Variants in AP4M1 observed in about 807,000 individuals in gnomAD.
AP4M1 encodes adaptor related protein complex 4 subunit mu 1.
AP4M1 carries 58 observed loss-of-function variants against 62.4 expected under a neutral mutation model. The observed-to-expected ratio is 0.93, with a 90% CI of 0.75 to 1.16. The LOEUF (loss-of-function observed/expected upper bound fraction) is 1.16, where lower values mean the gene tolerates loss of function less well. Ranked by LOEUF, AP4M1 falls within the 50% of genes most tolerant of loss-of-function variation. The probability of loss-of-function intolerance (pLI) is 0.00; values close to 1 mark genes in which losing one functional copy is unlikely to be tolerated. For synonymous variants in AP4M1, 290 were observed against 239.7 expected (o/e 1.21, Z -1.94); for missense variants, 626 against 585.4 (o/e 1.07, Z -0.72).
Position 100,105,978 on chromosome 7 carries a change from T to C in AP4M1, c.949T>C (p.Leu317=), listed in dbSNP as rs1584519132. The C allele has an allele frequency of 3.1e-6, 5 of 1,614,102 alleles. No homozygotes were observed. The highest frequency in any genetic ancestry group is 3.4e-6 in the Non-Finnish European group (4 of 1,180,024). ...ATCCAGGCTCCAGGTTTATCTAAAGTTGCGATGTGACCTGCTCTCAAAGAG... is the reference window on the plus strand; with the variant it reads ...ATCCAGGCTCCAGGTTTATCTAAAGCTGCGATGTGACCTGCTCTCAAAGAG... The part of the protein sequence containing the change: ...GSGRLQVYLK[L]RCDLLSKSQA... The change falls in exon 12 of 15, where the codon TTG becomes CTG. Residue 317 remains leucine, a synonymous_variant. Coordinates refer to ENST00000359593, the MANE Select transcript of AP4M1 (RefSeq NM_004722.4).
intron 2 of AP4M1, 185 bp from the exon 3 acceptor site, chr7:100,102,490 G>T: frequency 1.5e-6 from 1 of 654,514 alleles, no homozygotes; most frequent in South Asian, 1.7e-5. Context: ...GCAACTCGGG[G>T]TAGTTAGTGT....
chr7:100,108,473 T>A lies in AP4M1; in HGVS notation c.*1591T>A. 1 of 1,613,976 alleles carries A rather than the reference T, an allele frequency of 6.2e-7. No homozygotes were observed. Reference sequence around the variant, plus strand: ...GAGGAGGGGCCCAAGGGACCCGAATTCTGCCCGATAGGCGTCCTGATTGTC... The same window carrying A: ...GAGGAGGGGCCCAAGGGACCCGAATACTGCCCGATAGGCGTCCTGATTGTC... On this transcript the variant is annotated 3_prime_UTR_variant, in exon 15 of 15. Transcript: ENST00000359593.
At chr7:100,105,202 A>G (rs772766548) in intron 9 of AP4M1, 38 bp from the exon 10 acceptor site, 1 of 1,612,162 alleles carries the variant, frequency 6.2e-7, no homozygotes, top group Non-Finnish European at 8.5e-7. Context: ...CTCCCAAAAC[A>G]GGAGTCAGGA....
Position 100,104,806 on chromosome 7 carries a change from G to C in AP4M1, c.607-68G>C, listed in dbSNP as rs536448879. ...AGATCACGCCACTGCCAGCCTGGGC[G>C]ACAGAGCGAGACCGTCTCAAAAAAA... On this transcript the variant is annotated intron_variant, in intron 7 of 14. Transcript: ENST00000359593. The C allele has an allele frequency of 6.1e-5, 96 of 1,582,388 alleles. 2 individuals are homozygous for C. In the South Asian group the frequency reaches 9.2e-4, roughly 15 times the overall value.
chr7:100,105,270 T>C lies in AP4M1; in HGVS notation c.758T>C (p.Val253Ala). ...GYGPGIRVDEVSFHSSVNLDE... is the reference protein window; with the variant it reads ...GYGPGIRVDEASFHSSVNLDE... ...GGGCCAGGAATCCGGGTCGATGAAG[T>C]CTCGTTTCACAGCTCTGTGAATCTG... The change falls in exon 10 of 15, where the codon GTC becomes GCC. Residue 253 changes from valine (V) to alanine (A), a missense_variant. Val to Ala is a moderately conservative substitution (Grantham distance 64). Transcript: ENST00000359593. The C allele has an allele frequency of 6.2e-7, 1 of 1,614,106 alleles. No individual in the cohort carries two copies. The highest frequency in any genetic ancestry group is 8.5e-7 in the Non-Finnish European group (1 of 1,180,028).
rs371334205 is a variant in AP4M1 at position 100,107,640 on chromosome 7, G to T, written c.*758G>T. ...GGACAGGACCTGGATAGAAAGGAAA[G>T]GCAGGCCGCTTGCCCTGTGCCCTCC... is the stretch of plus-strand genomic sequence containing the variant. On this transcript the variant is annotated 3_prime_UTR_variant, in exon 15 of 15. Coordinates refer to ENST00000359593, the MANE Select transcript of AP4M1 (RefSeq NM_004722.4). 14 of 1,608,494 alleles carry T rather than the reference G, an allele frequency of 8.7e-6. No individual in the cohort carries two copies. Among genetic ancestry groups the T allele is most frequent in the Non-Finnish European group, 1.2e-5 (14 of 1,178,234 alleles).
chr7:100,101,347 G>C, upstream of AP4M1: 1 of 1,610,372 alleles, frequency 6.2e-7, no homozygotes, highest in Non-Finnish European at 8.5e-7. Flanking sequence ...TCTTGCTCCT[G>C]GGGAAGCTGA....
chr7:100,101,834 C>T, intron 1 of AP4M1, 46 bp from the exon 2 acceptor site: 1 of 1,611,888 alleles, frequency 6.2e-7, no homozygotes, highest in Non-Finnish European at 8.5e-7. Flanking sequence ...GCGCCCAGGG[C>T]CAGCCTGTGT....
rs149322875 is a variant in AP4M1 at position 100,106,929 on chromosome 7, C to T, written c.*47C>T. On this transcript the variant is annotated 3_prime_UTR_variant, in exon 15 of 15. Transcript: ENST00000359593. ...ACGGCCAAGGTGGCAGTTTGTCCCA[C>T]GGGAGGACAGTCGTTTCTTTTCCAG... is the stretch of plus-strand genomic sequence containing the variant. The T allele has an allele frequency of 4.1e-5, 65 of 1,576,266 alleles. No individual in the cohort carries two copies. The highest frequency in any genetic ancestry group is 8.8e-5 in the Admixed American group (5 of 56,952).
In AP4M1 at chr7:100,107,386, C is replaced by A; in HGVS notation, c.*504C>A. The A allele has an allele frequency of 6.3e-7, 1 of 1,594,820 alleles. No homozygotes were observed. On this transcript the variant is annotated 3_prime_UTR_variant, in exon 15 of 15. Transcript: ENST00000359593. ...CCGCTGAGTGGGGACGGGGACGATGCCGGGGGAGGAACTGGAGAAGGATGG... is the reference window on the plus strand; with the variant it reads ...CCGCTGAGTGGGGACGGGGACGATGACGGGGGAGGAACTGGAGAAGGATGG...
intron 4 of AP4M1, chr7:100,103,178 C>T (rs2116633291): frequency 1.5e-6 from 1 of 652,910 alleles, no homozygotes; most frequent in Non-Finnish European, 2.7e-6. Flanking sequence ...CTCAAGCCGT[C>T]CTCCTGCCCC....
rs368830741 is a variant in AP4M1, at chr7:100,105,258, G to T, written c.746G>T (p.Arg249Leu). The change falls in exon 10 of 15, where the codon CGG becomes CTG. Residue 249 changes from arginine (R) to leucine (L), a missense_variant. Transcript: ENST00000359593. Reference protein sequence around the residue: ...SELRGYGPGIRVDEVSFHSSV... With the variant: ...SELRGYGPGILVDEVSFHSSV... ...TTTCCAGGTTATGGGCCAGGAATCC[G>T]GGTCGATGAAGTCTCGTTTCACAGC... 6.8e-6 allele frequency: 11 copies of T among 1,613,968 alleles called. No homozygotes were observed. Among genetic ancestry groups the T allele is most frequent in the Admixed American group, 1.7e-5 (1 of 59,990 alleles).
chr7:100,104,339 C>T (rs1251558499), intron 7 of AP4M1, among the ~76,000 whole-genome samples, 185 bp downstream of exon 7: 1 of 149,534 alleles, frequency 6.7e-6, no homozygotes, highest in East Asian at 2.0e-4. Context: ...GCAACATAGC[C>T]AGACCCCGTC....
intron 7 of AP4M1, 114 bp from the exon 8 acceptor site, chr7:100,104,760 G>T: frequency 9.0e-7 from 1 of 1,116,814 alleles, no homozygotes; most frequent in Admixed American, 1.7e-5. Flanking sequence ...GAACCTGGGA[G>T]GTGGAGGTTG....
rs769141342 is a variant in AP4M1 at position 100,106,846 on chromosome 7, C to T, written c.1326C>T (p.His442=). The change falls in exon 15 of 15, where the codon CAC becomes CAT. Residue 442 remains histidine (H), a synonymous_variant. Transcript: ENST00000359593. ...GNANPHKWVR[H]LSHSDAYVIR... ...CCAACCCCCACAAGTGGGTGCGACA[C>T]CTAAGCCACAGCGACGCCTATGTCA... 19 of 1,613,786 alleles carry T rather than the reference C, an allele frequency of 1.2e-5. No individual in the cohort carries two copies. The highest frequency in any genetic ancestry group is 1.4e-5 in the Non-Finnish European group (17 of 1,180,062).
At chr7:100,105,680 C>A in intron 11 of AP4M1, 141 bp downstream of exon 11, 1 of 926,250 alleles carries the variant, frequency 1.1e-6, no homozygotes, top group Non-Finnish European at 1.7e-6. Flanking sequence ...CGGCCGGTGG[C>A]TCACACCTGT....
At position 100,101,696 on chromosome 7, in the gene AP4M1, T is replaced by A. The variant is rs1796046261; in HGVS notation, c.-19T>A. ...AGGCCCGACTTTCGCCGTCTTCTTG[T>A]CTACTCTCCAGAACGGCCATGATTT... On this transcript the variant is annotated 5_prime_UTR_variant, in exon 1 of 15. Transcript: ENST00000359593. 2 of 1,611,702 alleles carry A rather than the reference T, an allele frequency of 1.2e-6. No individual in the cohort carries two copies.
chr7:100,105,429 C>T lies in AP4M1; in HGVS notation c.835-16C>T. 1 of 1,613,192 alleles carries T rather than the reference C, an allele frequency of 6.2e-7. No homozygotes were observed. The highest frequency in any genetic ancestry group is 8.5e-7 in the Non-Finnish European group (1 of 1,179,174). The stretch of plus-strand genomic sequence containing the variant: ...TCGTGAGACCAAACTAACCTTGTTG[C>T]TCTCTGGTCTCTCAGCTGACTGTGA... On this transcript the variant is annotated splice_polypyrimidine_tract_variant and intron_variant, in intron 10 of 14. Transcript: ENST00000359593.
In AP4M1 at chr7:100,105,326, T is replaced by C. The variant is rs1373550147; in HGVS notation, c.814T>C (p.Leu272=). ...DEFESHRILR[L]QPPQGELTVM... ...ATTTGAGTCTCATCGAATCCTCCGC[T>C]TGCAACCACCTCAGGGCGAGGTCAG... The change falls in exon 10 of 15, where the codon TTG becomes CTG. Residue 272 remains leucine (L), a synonymous_variant. Coordinates refer to ENST00000359593, the MANE Select transcript of AP4M1 (RefSeq NM_004722.4). The C allele has an allele frequency of 1.2e-6, 2 of 1,613,984 alleles. No individual in the cohort carries two copies. The highest frequency in any genetic ancestry group is 1.1e-5 in the South Asian group (1 of 91,088).
Sources: gnomAD v4.1 joint callset for allele counts (sites outside exome capture counted in the v4.1 genomes callset) on GRCh38, gnomAD v4.1.1 for gene constraint, MANE v1.5 for transcripts, NCBI Gene and HGNC (gene_info 2026-07-23, HGNC 2026-07-21) for gene names.